IL1RAPL1: variants seen among roughly 807,000 people sequenced by gnomAD.
The protein encoded by IL1RAPL1 is interleukin 1 receptor accessory protein like 1.
IL1RAPL1 carries 3 observed loss-of-function variants against 48.4 expected under a neutral mutation model. That is an observed-to-expected ratio of 0.06 (90% confidence interval 0.03 to 0.16). The LOEUF (loss-of-function observed/expected upper bound fraction) is 0.16, where lower values mean the gene tolerates loss of function less well. Among genes scored for constraint, IL1RAPL1 ranks in the 10% least tolerant of loss-of-function variants. IL1RAPL1 has a pLI of 1.00. For synonymous variants in IL1RAPL1, 185 were observed against 187.7 expected, an observed-to-expected ratio of 0.99 and a Z score of 0.12; for missense variants, 349 against 530.6, an observed-to-expected ratio of 0.66 and a Z score of 3.36.
intron 2 of IL1RAPL1, among the ~76,000 whole-genome samples, chrX:29,182,926 A>G (rs1930175523): frequency 9.0e-6 from 1 of 111,388 alleles, no homozygotes; most frequent in East Asian, 2.8e-4. Flanking sequence ...TAGAAGCAGA[A>G]TTTGAAGTGA....
At chrX:29,697,932 G>C (rs1395243883) in intron 6 of IL1RAPL1, among the ~76,000 whole-genome samples, 1 of 111,222 alleles carries the variant, frequency 9.0e-6, no homozygotes. Flanking sequence ...GCGTAATATG[G>C]ACCATGGCAC....
intron 5 of IL1RAPL1, among the ~76,000 whole-genome samples, chrX:29,540,886 C>A (rs1359103330): frequency 8.9e-6 from 1 of 111,909 alleles, no homozygotes; most frequent in Non-Finnish European, 1.9e-5. Context: ...GAATCTATGA[C>A]TAAGTTCTGA....
intron 5 of IL1RAPL1, among the ~76,000 whole-genome samples, chrX:29,631,842 TCACA>T (rs1272116199): frequency 1.8e-5 from 2 of 111,032 alleles, no homozygotes; most frequent in African/African-American, 3.3e-5. Flanking sequence ...GCTAATTGAA[TCACA>T]CACACAACCA....
chrX:29,728,368 C>T (rs1371558297), intron 6 of IL1RAPL1, among the ~76,000 whole-genome samples: 1 of 111,985 alleles, frequency 8.9e-6, no homozygotes, highest in Admixed American at 9.5e-5. Context: ...TCTAACCTAC[C>T]GTGAGATTAT....
rs148115320 is a variant in IL1RAPL1 at position 28,607,536 on chromosome X, G to A, written c.-25+19489G>A. ...AATTTTTCAACCACCAGAAAAAAAGGTGAGGAATGAAAGAAGGAGAGGAAA... is the reference window on the plus strand; with the variant it reads ...AATTTTTCAACCACCAGAAAAAAAGATGAGGAATGAAAGAAGGAGAGGAAA... On this transcript the variant is annotated intron_variant, in intron 1 of 10. Transcript: ENST00000378993. Among the ~76,000 whole-genome samples the A allele has an allele frequency of 6.5e-3, 723 of 111,429 alleles. 6 individuals carry two copies. The highest frequency in any genetic ancestry group is 0.022 in the African/African-American group (664 of 30,705).
intron 6 of IL1RAPL1, among the ~76,000 whole-genome samples, chrX:29,683,297 C>T (rs1356894532): frequency 3.0e-4 from 34 of 111,994 alleles, no homozygotes; most frequent in Admixed American, 3.0e-3. Flanking sequence ...ATGTTATAAT[C>T]TCGGTTAACC....
At chrX:28,773,852 G>A (rs1168075811) in intron 1 of IL1RAPL1, among the ~76,000 whole-genome samples, 1 of 111,879 alleles carries the variant, frequency 8.9e-6, no homozygotes, top group Non-Finnish European at 1.9e-5. Flanking sequence ...ATCTGTATTT[G>A]ATATCTTTGC....
chrX:28,678,300 A>G (rs1329173185), intron 1 of IL1RAPL1, among the ~76,000 whole-genome samples: 1 of 110,968 alleles, frequency 9.0e-6, no homozygotes, highest in African/African-American at 3.3e-5. Flanking sequence ...GTGGTGGACT[A>G]TCTGTATCTG....
At chrX:29,814,152 T>A (rs1930440080) in intron 6 of IL1RAPL1, among the ~76,000 whole-genome samples, 1 of 112,232 alleles carries the variant, frequency 8.9e-6, no homozygotes, top group Non-Finnish European at 1.9e-5. Context: ...CTTAAGTTAT[T>A]TGACAAATCA....
chrX:29,630,821 A>C (rs1485282239), intron 5 of IL1RAPL1, among the ~76,000 whole-genome samples: 1 of 112,423 alleles, frequency 8.9e-6, no homozygotes, highest in Non-Finnish European at 1.9e-5. Flanking sequence ...TACAGGCGTG[A>C]GCCACCGCGC....
chrX:29,645,933 A>G (rs1041375688), intron 5 of IL1RAPL1, among the ~76,000 whole-genome samples: 3 of 112,259 alleles, frequency 2.7e-5, no homozygotes, highest in African/African-American at 9.7e-5. Context: ...AACCTTTTCA[A>G]AATGTCTGGA....
chrX:28,873,692 C>CT (rs1569190451), intron 2 of IL1RAPL1, among the ~76,000 whole-genome samples: 1 of 107,762 alleles, frequency 9.3e-6, no homozygotes, highest in Admixed American at 1.0e-4. Context: ...CCACCACAGC[C>CT]GGCTAATTTT....
chrX:29,141,007 T>C (rs1025027256), intron 2 of IL1RAPL1, among the ~76,000 whole-genome samples: 7 of 111,052 alleles, frequency 6.3e-5, no homozygotes, highest in Non-Finnish European at 1.1e-4. Flanking sequence ...ATCTGTCTTA[T>C]GCATTTACTA....
chrX:29,558,469 A>T (rs1922078482), intron 5 of IL1RAPL1, among the ~76,000 whole-genome samples: 1 of 111,293 alleles, frequency 9.0e-6, no homozygotes. Flanking sequence ...TTGGAAATAA[A>T]TTTTTCCTGT....
intron 5 of IL1RAPL1, among the ~76,000 whole-genome samples, chrX:29,402,193 G>T (rs1340523452): frequency 9.0e-6 from 1 of 111,259 alleles, no homozygotes; most frequent in Non-Finnish European, 1.9e-5. Context: ...TCTTTTATTA[G>T]CCTTACCCAC....
intron 5 of IL1RAPL1, among the ~76,000 whole-genome samples, chrX:29,653,358 GT>G (rs1430625478): frequency 9.0e-6 from 1 of 111,365 alleles, no homozygotes; most frequent in Admixed American, 9.6e-5. Context: ...TTTTATTTTT[GT>G]TTTTGTTTTC....
chrX:29,862,505 G>A (rs1174256882), intron 6 of IL1RAPL1, among the ~76,000 whole-genome samples: 6 of 111,403 alleles, frequency 5.4e-5, no homozygotes, highest in Admixed American at 2.9e-4. Flanking sequence ...TGATTTACTA[G>A]CTATCCAAAG....
intron 6 of IL1RAPL1, among the ~76,000 whole-genome samples, chrX:29,883,388 G>C (rs1932069081): frequency 9.0e-6 from 1 of 111,512 alleles, no homozygotes; most frequent in South Asian, 3.8e-4. Context: ...AAAATTAGCT[G>C]CAGGCAGAAA....
chrX:28,936,579 A>G (rs1924021881), intron 2 of IL1RAPL1, among the ~76,000 whole-genome samples: 1 of 110,456 alleles, frequency 9.1e-6, no homozygotes, highest in South Asian at 3.9e-4. Flanking sequence ...GTGTATATAT[A>G]TATGTATGTA....
Sources: gnomAD v4.1 joint callset for allele counts (sites outside exome capture counted in the v4.1 genomes callset) on GRCh38, gnomAD v4.1.1 for gene constraint, MANE v1.5 for transcripts, NCBI Gene and HGNC (gene_info 2026-07-23, HGNC 2026-07-21) for gene names.